Variants in ST3GAL2 observed in about 807,000 individuals in gnomAD.
ST3GAL2 encodes the protein CMP-N-acetylneuraminate-beta-galactosamide-alpha-2,3-sialyltransferase 2.
ST3GAL2 carries 16 observed loss-of-function variants against 37.5 expected under a neutral mutation model. The ratio of observed to expected loss-of-function variants is 0.43; its 90% CI spans 0.29 to 0.65. The LOEUF (loss-of-function observed/expected upper bound fraction) is 0.65. ST3GAL2 is among the 30% of genes least tolerant of loss of function. ST3GAL2 has a pLI of 0.17. For synonymous variants in ST3GAL2, 238 were observed against 202.9 expected (o/e 1.17, Z -1.47); for missense variants, 383 against 487.8 (o/e 0.79, Z 2.02).
chr16:70,427,501 G>C (rs917366454), intron 1 of ST3GAL2, among the ~76,000 whole-genome samples: 1 of 151,968 alleles, frequency 6.6e-6, no homozygotes, highest in African/African-American at 2.4e-5. Flanking sequence ...ACCATGCCTG[G>C]CTAATTTTTG....
chr16:70,401,396 G>T (rs750727894), intron 1 of ST3GAL2, among the ~76,000 whole-genome samples: 1 of 148,562 alleles, frequency 6.7e-6, no homozygotes, highest in African/African-American at 2.6e-5. Flanking sequence ...GAGAAGTAGA[G>T]GAAAGAGCAG....
At chr16:70,438,782 C>G (rs951531559) in intron 1 of ST3GAL2, among the ~76,000 whole-genome samples, 167 bp downstream of exon 1, 5 of 151,964 alleles carry the variant, frequency 3.3e-5, no homozygotes, top group African/African-American at 1.2e-4. Flanking sequence ...GCGCGCGGAC[C>G]CCCGCCCACA....
chr16:70,426,060 A>G (rs16970169), intron 1 of ST3GAL2, among the ~76,000 whole-genome samples: 11,436 of 152,150 alleles, frequency 0.075, 1,453 homozygotes, highest in African/African-American at 0.26. Context: ...CTGTCTAGCC[A>G]TACCTTGAAC....
intron 1 of ST3GAL2, among the ~76,000 whole-genome samples, chr16:70,406,307 T>C (rs1407201822): frequency 1.3e-5 from 2 of 150,766 alleles, no homozygotes; most frequent in African/African-American, 4.9e-5. Context: ...TAGCTGTGGG[T>C]GGTGGCAGGG....
chr16:70,424,806 C>T (rs2047739353), intron 1 of ST3GAL2, among the ~76,000 whole-genome samples: 1 of 152,100 alleles, frequency 6.6e-6, no homozygotes, highest in African/African-American at 2.4e-5. Flanking sequence ...AAAATGATGC[C>T]ACTCTTGGTT....
intron 4 of ST3GAL2, among the ~76,000 whole-genome samples, chr16:70,383,698 T>C (rs2047422309): frequency 6.6e-6 from 1 of 151,650 alleles, no homozygotes; most frequent in Admixed American, 6.6e-5. Context: ...GGTGGCCCCA[T>C]GGGACCTAGG....
At chr16:70,431,409 G>A (rs2047788965) in intron 1 of ST3GAL2, among the ~76,000 whole-genome samples, 1 of 152,226 alleles carries the variant, frequency 6.6e-6, no homozygotes, top group African/African-American at 2.4e-5. Flanking sequence ...CTTGGGTCAT[G>A]CCGCAACACC....
In ST3GAL2 at chr16:70,378,036, G is replaced by C. The variant is rs539862511; in HGVS notation, c.*3653C>G. The stretch of plus-strand genomic sequence containing the variant: ...AATGGAAACAATAACAGCAATAGAC[G>C]GGAAATTTAACAAAATATTTGGAAC... On this transcript the variant is annotated 3_prime_UTR_variant, in exon 7 of 7. Coordinates refer to ENST00000342907, the MANE Select transcript of ST3GAL2 (RefSeq NM_006927.4). 1.3e-5 allele frequency: 2 copies of C among 152,154 alleles called. No homozygotes were observed. The highest frequency in any genetic ancestry group is 4.8e-5 in the African/African-American group (2 of 41,506). 9.4% of individuals were successfully genotyped at this position (152,154 alleles called of 1,614,324 possible). A position where few individuals can be genotyped will look rare whatever the true frequency, so the allele number is the denominator to read the frequency against.
At chr16:70,410,700 T>C (rs989378302) in intron 1 of ST3GAL2, among the ~76,000 whole-genome samples, 5 of 152,080 alleles carry the variant, frequency 3.3e-5, no homozygotes, top group African/African-American at 4.8e-5. Flanking sequence ...AGGCAGAAAT[T>C]TGGTGTGGCT....
intron 3 of ST3GAL2, among the ~76,000 whole-genome samples, chr16:70,388,880 A>G (rs2047461242): frequency 1.3e-5 from 2 of 150,592 alleles, no homozygotes; most frequent in South Asian, 4.2e-4. Context: ...CTTAGCCAAC[A>G]TGGCAAAACC....
chr16:70,406,663 T>G (rs2047594100), intron 1 of ST3GAL2, among the ~76,000 whole-genome samples: 2 of 148,160 alleles, frequency 1.3e-5, no homozygotes, highest in Non-Finnish European at 3.0e-5. Context: ...GCGCCTGTAA[T>G]CCCGCTACTT....
At chr16:70,395,837 G>A (rs1443231113) in intron 2 of ST3GAL2, among the ~76,000 whole-genome samples, 3 of 152,222 alleles carry the variant, frequency 2.0e-5, no homozygotes, top group Non-Finnish European at 2.9e-5. Flanking sequence ...CAACAGATCT[G>A]AGCCCCGGCA....
chr16:70,434,456 T>A (rs1597579479), intron 1 of ST3GAL2, among the ~76,000 whole-genome samples: 1 of 151,740 alleles, frequency 6.6e-6, no homozygotes, highest in African/African-American at 2.4e-5. Flanking sequence ...AAAAAAAAAT[T>A]CAGACTTTTG....
Position 70,381,835 on chromosome 16 carries a change from T to C in ST3GAL2, c.907A>G (p.Ser303Gly), listed in dbSNP as rs2047407889. 6.2e-7 allele frequency: 1 copy of C among 1,613,872 alleles called. No homozygotes were observed. Among genetic ancestry groups the C allele is most frequent in the Admixed American group, 1.7e-5 (1 of 59,998 alleles). Residue 303 changes from serine (S) to glycine (G), a missense_variant, in exon 7 of 7, where the codon AGC (serine) becomes GGC (glycine). Transcript: ENST00000342907. ...EVNVYGFGAD[S>G]RGNWHHYWEN... is the part of the protein sequence containing the mutation. ...CAGTAGTGGTGCCAGTTGCCCCGGC[T>C]GTCGGCCCCGAACCCGTACACGTTC...
At chr16:70,407,143 G>A (rs1348569401) in intron 1 of ST3GAL2, among the ~76,000 whole-genome samples, 1 of 151,326 alleles carries the variant, frequency 6.6e-6, no homozygotes, top group Non-Finnish European at 1.5e-5. Context: ...ACAACACTAT[G>A]GCCTTTTTTT....
chr16:70,412,500 C>T (rs2047646210), intron 1 of ST3GAL2, among the ~76,000 whole-genome samples: 1 of 151,766 alleles, frequency 6.6e-6, no homozygotes, highest in Admixed American at 6.6e-5. Context: ...AAAAATTAGC[C>T]GGGCGTGGTG....
chr16:70,392,469 G>C (rs1412017837), intron 3 of ST3GAL2, among the ~76,000 whole-genome samples: 1 of 152,204 alleles, frequency 6.6e-6, no homozygotes, highest in Non-Finnish European at 1.5e-5. Flanking sequence ...CCCTGGTTAG[G>C]ACCTGATGTT....
chr16:70,413,533 T>C (rs1282687966), intron 1 of ST3GAL2, among the ~76,000 whole-genome samples: 2 of 121,874 alleles, frequency 1.6e-5, no homozygotes, highest in Non-Finnish European at 1.6e-5. Context: ...CTGACCAACA[T>C]GGAGAAACCC....
chr16:70,418,765 T>A (rs1194275246), intron 1 of ST3GAL2, among the ~76,000 whole-genome samples: 1 of 152,140 alleles, frequency 6.6e-6, no homozygotes, highest in African/African-American at 2.4e-5. Context: ...AGAACCTCTG[T>A]GCACTCTGCT....
Sources: allele counts gnomAD v4.1 joint callset (sites outside exome capture counted in the v4.1 genomes callset), GRCh38; gene constraint gnomAD v4.1.1; transcripts MANE v1.5; gene names NCBI Gene and HGNC (gene_info 2026-07-23, HGNC 2026-07-21).